The following C10orf90 variants were observed in gnomAD, a reference collection of about 807,000 sequenced individuals.
The protein encoded by C10orf90 is chromosome 10 open reading frame 90, also known as (E2-independent) E3 ubiquitin-conjugating enzyme FATS.
In C10orf90, 56 loss-of-function variants were observed where a neutral mutation model predicts 62.5. The observed-to-expected ratio is 0.90, with a 90% CI of 0.72 to 1.12. The LOEUF (loss-of-function observed/expected upper bound fraction) is 1.12. C10orf90 is among the 50% of genes most tolerant of loss of function. The pLI, the probability that C10orf90 is intolerant of heterozygous loss-of-function variation, is 0.00. For synonymous variants in C10orf90, 386 were observed against 340.4 expected (o/e 1.13, Z -1.47); for missense variants, 970 against 880.4 (o/e 1.10, Z -1.29).
At chr10:126,524,652 C>T (rs1863879536) in intron 2 of C10orf90, 2 of 985,986 alleles carry the variant, frequency 2.0e-6, no homozygotes, top group Non-Finnish European at 2.4e-6. Context: ...ACACTAGGCT[C>T]CAGATCCCAC....
intron 2 of C10orf90, among the ~76,000 whole-genome samples, chr10:126,539,635 T>C (rs913429006): frequency 2.0e-5 from 3 of 152,168 alleles, no homozygotes; most frequent in African/African-American, 7.2e-5. Flanking sequence ...AAAACTTTAA[T>C]AAAGCAAAAG....
intron 4 of C10orf90, among the ~76,000 whole-genome samples, chr10:126,465,344 ATTAT>A (rs932221060): frequency 3.3e-5 from 5 of 151,806 alleles, no homozygotes; most frequent in Admixed American, 6.6e-5. Context: ...CTAATATTAA[ATTAT>A]TTATTATTAT....
chr10:126,645,280 G>C (rs1158829620), intron 2 of C10orf90, among the ~76,000 whole-genome samples: 2 of 132,672 alleles, frequency 1.5e-5, no homozygotes, highest in Non-Finnish European at 3.1e-5. Context: ...AAAAAAAAAA[G>C]CTGGAGGCTG....
At position 126,456,118 on chromosome 10, in the gene C10orf90, CA is replaced by C. The variant is rs1859556427; in HGVS notation, c.2188+2921del. ...GCATATGATTTATGAACTAATTTAG[CA>C]AGTAAGAAAAACATCTGCATTTTGC... On this transcript the variant is annotated intron_variant, in intron 7 of 9. Coordinates refer to ENST00000488181, the MANE Select transcript of C10orf90 (RefSeq NM_001350921.2). The surrounding 1 kb of genome is among the most constrained non-coding windows in gnomAD (Gnocchi z 4.9). Among the ~76,000 whole-genome samples the C allele has an allele frequency of 6.6e-6, 1 of 152,256 alleles. No homozygotes were observed. The highest frequency in any genetic ancestry group is 2.4e-5 in the African/African-American group (1 of 41,468).
At chr10:126,495,750 T>G (rs868082988) in intron 4 of C10orf90, among the ~76,000 whole-genome samples, 1 of 152,140 alleles carries the variant, frequency 6.6e-6, no homozygotes, top group South Asian at 2.1e-4. Context: ...TTTCTCACAT[T>G]TTTTGCTCTA....
chr10:126,647,608 T>G (rs1846198039), intron 1 of C10orf90, among the ~76,000 whole-genome samples: 1 of 152,194 alleles, frequency 6.6e-6, no homozygotes, highest in Non-Finnish European at 1.5e-5. Flanking sequence ...GGACCTAACC[T>G]GGGCTGAGAG....
intron 2 of C10orf90, among the ~76,000 whole-genome samples, chr10:126,525,490 G>C (rs1440093000): frequency 6.6e-6 from 1 of 152,190 alleles, no homozygotes; most frequent in Non-Finnish European, 1.5e-5. Flanking sequence ...AATGTCTAGA[G>C]CCCAGAGCCG....
chr10:126,570,607 A>C (rs985798161), intron 2 of C10orf90, among the ~76,000 whole-genome samples: 1 of 152,220 alleles, frequency 6.6e-6, no homozygotes, highest in Non-Finnish European at 1.5e-5. Context: ...GAATCTCAGA[A>C]AGGGTTTTTT....
At chr10:126,647,556 C>T (rs918390084) in intron 1 of C10orf90, among the ~76,000 whole-genome samples, 1 of 152,198 alleles carries the variant, frequency 6.6e-6, no homozygotes, top group Admixed American at 6.5e-5. Flanking sequence ...GTCTGGCTTC[C>T]CCCCGATCCC....
At chr10:126,485,240 T>C (rs1298311310) in intron 4 of C10orf90, among the ~76,000 whole-genome samples, 3 of 152,176 alleles carry the variant, frequency 2.0e-5, no homozygotes, top group Non-Finnish European at 4.4e-5. Flanking sequence ...AAGTGGGCCT[T>C]CACCAGAACC....
chr10:126,492,865 G>A (rs1010207128), intron 4 of C10orf90, among the ~76,000 whole-genome samples: 1 of 152,150 alleles, frequency 6.6e-6, no homozygotes, highest in African/African-American at 2.4e-5. Flanking sequence ...TCTTAAATTT[G>A]TGCCTATTCT....
intron 3 of C10orf90, among the ~76,000 whole-genome samples, chr10:126,512,370 GTC>G (rs1208009263): frequency 6.4e-4 from 43 of 66,848 alleles, no homozygotes; most frequent in African/African-American, 2.6e-3. Context: ...GTGTATGTGT[GTC>G]TGTGTGTGTG....
At chr10:126,495,289 C>T (rs1004307140) in intron 4 of C10orf90, among the ~76,000 whole-genome samples, 19 of 152,074 alleles carry the variant, frequency 1.2e-4, no homozygotes, top group East Asian at 3.9e-4. Context: ...TTTGGGAGGC[C>T]GAGACGGGTG....
At chr10:126,583,779 T>G (rs1844801572) in intron 2 of C10orf90, among the ~76,000 whole-genome samples, 1 of 152,196 alleles carries the variant, frequency 6.6e-6, no homozygotes, top group Admixed American at 6.5e-5. Context: ...ACATTCCCAG[T>G]GCCAAATGGC....
chr10:126,526,075 G>C (rs1206129807), intron 2 of C10orf90, among the ~76,000 whole-genome samples: 1 of 142,458 alleles, frequency 7.0e-6, no homozygotes, highest in Non-Finnish European at 1.5e-5. Context: ...AGAAGCAGAG[G>C]CAAAGAGGGG....
intron 2 of C10orf90, among the ~76,000 whole-genome samples, chr10:126,531,480 C>T (rs931404506): frequency 6.6e-6 from 1 of 152,112 alleles, no homozygotes; most frequent in Admixed American, 6.5e-5. Context: ...AAAGCCTTAA[C>T]AAAAGATCAG....
At chr10:126,563,393 G>T (rs541689417) in intron 2 of C10orf90, among the ~76,000 whole-genome samples, 1 of 152,150 alleles carries the variant, frequency 6.6e-6, no homozygotes, top group Non-Finnish European at 1.5e-5. Flanking sequence ...CTTGATCAGG[G>T]TTTAACCAGA....
chr10:126,544,956 C>A (rs1055644299), intron 2 of C10orf90, among the ~76,000 whole-genome samples: 2 of 152,178 alleles, frequency 1.3e-5, no homozygotes, highest in Non-Finnish European at 2.9e-5. Context: ...TTTTCCCATC[C>A]TTGGTGTGGA....
At chr10:126,494,994 A>G (rs931873828) in intron 4 of C10orf90, among the ~76,000 whole-genome samples, 6 of 152,152 alleles carry the variant, frequency 3.9e-5, no homozygotes, top group African/African-American at 1.4e-4. Flanking sequence ...TGCTTAAACT[A>G]TGTTGTCAAA....
Sources: allele counts gnomAD v4.1 joint callset (sites outside exome capture counted in the v4.1 genomes callset), GRCh38; gene constraint gnomAD v4.1.1; non-coding constraint Gnocchi (gnomAD v3.1); transcripts MANE v1.5; gene names NCBI Gene and HGNC (gene_info 2026-07-23, HGNC 2026-07-21).